The following MYOF variants were observed in gnomAD, a reference collection of about 807,000 sequenced individuals.
The protein encoded by MYOF is fer-1-like 3, myoferlin.
MYOF carries 244 observed loss-of-function variants against 284.2 expected under a neutral mutation model. The ratio of observed to expected loss-of-function variants is 0.86; its 90% confidence interval spans 0.77 to 0.95. MYOF has a LOEUF of 0.95. MYOF is among the 40% of genes least tolerant of loss of function. The pLI is 0.00. For missense variants in MYOF, 2,496 were observed against 2,560.6 expected (o/e 0.97, Z 0.54); for synonymous variants, 904 against 919.7 (o/e 0.98, Z 0.31).
intron 5 of MYOF, among the ~76,000 whole-genome samples, chr10:93,425,297 T>C (rs1848534544): frequency 6.6e-6 from 1 of 152,010 alleles, no homozygotes; most frequent in African/African-American, 2.4e-5. Flanking sequence ...GCCCCTCCCT[T>C]CCTGGGACAC....
At chr10:93,335,450 A>C (rs1370788255) in intron 41 of MYOF, among the ~76,000 whole-genome samples, 1 of 152,156 alleles carries the variant, frequency 6.6e-6, no homozygotes, top group Admixed American at 6.5e-5. Context: ...GCTGGAGAGG[A>C]GTGTGACGAG....
At chr10:93,460,580 A>G (rs2056849034) in intron 1 of MYOF, among the ~76,000 whole-genome samples, 1 of 13,294 alleles carries the variant, frequency 7.5e-5, no homozygotes, top group Non-Finnish European at 2.2e-3. Flanking sequence ...CCTGGACAAC[A>G]TGGGTGAAAC....
intron 37 of MYOF, among the ~76,000 whole-genome samples, chr10:93,347,225 G>A (rs556303422): frequency 1.3e-5 from 2 of 152,308 alleles, no homozygotes. Flanking sequence ...ACCTTGAGTA[G>A]GTTTGTAAAG....
intron 45 of MYOF, among the ~76,000 whole-genome samples, chr10:93,328,407 A>G (rs1293656084): frequency 1.3e-5 from 2 of 152,218 alleles, no homozygotes; most frequent in Non-Finnish European, 2.9e-5. Context: ...AGCTTCTGGG[A>G]GAAGGGACAG....
intron 46 of MYOF, among the ~76,000 whole-genome samples, 153 bp downstream of exon 46, chr10:93,325,668 CAAAAA>C (rs1283179905): frequency 2.6e-5 from 4 of 152,024 alleles, no homozygotes; most frequent in Non-Finnish European, 5.9e-5. Flanking sequence ...AAAATTCTTA[CAAAAA>C]AATTCCCTTT....
intron 53 of MYOF, among the ~76,000 whole-genome samples, chr10:93,308,600 A>G (rs989915527): frequency 1.3e-5 from 2 of 151,650 alleles, no homozygotes; most frequent in African/African-American, 4.8e-5. Context: ...AAAAAAAAAA[A>G]GCAGTTTGAC....
chr10:93,473,304 C>T (rs1486724742), intron 1 of MYOF, among the ~76,000 whole-genome samples: 1 of 152,254 alleles, frequency 6.6e-6, no homozygotes, highest in African/African-American at 2.4e-5. Context: ...GGTCTACCCA[C>T]TTTGTCTTGG....
intron 1 of MYOF, among the ~76,000 whole-genome samples, chr10:93,465,360 T>C (rs2056978134): frequency 6.6e-6 from 1 of 152,054 alleles, no homozygotes; most frequent in African/African-American, 2.4e-5. Context: ...CATGACGGAG[T>C]AAATTGGACT....
intron 36 of MYOF, among the ~76,000 whole-genome samples, chr10:93,348,831 C>T (rs550479220): frequency 3.3e-5 from 5 of 152,114 alleles, no homozygotes; most frequent in Admixed American, 6.5e-5. Flanking sequence ...GGATTAAAGA[C>T]GAGGTGTACC....
chr10:93,351,906 A>G, intron 32 of MYOF, 60 bp from the exon 33 acceptor site: 1 of 1,404,896 alleles, frequency 7.1e-7, no homozygotes, highest in East Asian at 2.3e-5. Flanking sequence ...CCCCAGAACC[A>G]CTCAGTGCAA....
At chr10:93,371,546 T>C (rs1282709277) in intron 24 of MYOF, among the ~76,000 whole-genome samples, 2 of 152,248 alleles carry the variant, frequency 1.3e-5, no homozygotes, top group Non-Finnish European at 2.9e-5. Flanking sequence ...CAAAATGTAT[T>C]TTGTAAAAAT....
At chr10:93,323,650 CACTA>C in intron 46 of MYOF, 1 of 392,474 alleles carries the variant, frequency 2.5e-6, no homozygotes, top group Non-Finnish European at 4.6e-6. Flanking sequence ...GACTTCCCAT[CACTA>C]ACCCAACCCC....
chr10:93,470,162 GAGGTTGC>G (rs544943847), intron 1 of MYOF, among the ~76,000 whole-genome samples: 6 of 150,520 alleles, frequency 4.0e-5, no homozygotes, highest in Admixed American at 2.7e-4. Flanking sequence ...CCAGGAGGTG[GAGGTTGC>G]AGTGAGCTGA....
At chr10:93,323,573 G>T (rs909971489) in intron 46 of MYOF, 53 of 558,526 alleles carry the variant, frequency 9.5e-5, no homozygotes, top group African/African-American at 8.8e-4. Context: ...CTCACTCAGG[G>T]GTCTCTGACG....
intron 3 of MYOF, among the ~76,000 whole-genome samples, chr10:93,436,696 C>T (rs1159121023): frequency 1.3e-5 from 2 of 152,120 alleles, no homozygotes; most frequent in East Asian, 1.9e-4. Context: ...TTTTCTGTGA[C>T]GTTGCCTGGA....
Position 93,337,837 on chromosome 10 carries a change from T to C in MYOF, c.4415A>G (p.Gln1472Arg). ...GEHEKCGQYI[Q>R]KGYSKLKIYN... ...TACCTTGAGCTTGGAATAGCCTTTC[T>C]GAATATACTGTCCGCATTTTTCATG... Residue 1472 changes from glutamine (Q) to arginine (R), a missense_variant, in exon 40 of 54, where the codon CAG becomes CGG. Physicochemically the swap from Gln to Arg is conservative, Grantham distance 43. Transcript: ENST00000359263. 1 of 1,614,040 alleles carries C rather than the reference T, an allele frequency of 6.2e-7. No individual in the cohort carries two copies. Among genetic ancestry groups the C allele is most frequent in the Non-Finnish European group, 8.5e-7 (1 of 1,179,944 alleles).
intron 45 of MYOF, 70 bp from the exon 46 acceptor site, chr10:93,326,035 G>A (rs1843031599): frequency 2.5e-6 from 4 of 1,590,856 alleles, no homozygotes; most frequent in Non-Finnish European, 3.4e-6. Context: ...GCCTAGAGCT[G>A]CTTCCAGCAC....
chr10:93,409,866 G>C, intron 5 of MYOF, 127 bp from the exon 6 acceptor site: 1 of 1,168,480 alleles, frequency 8.6e-7, no homozygotes, highest in Non-Finnish European at 1.2e-6. Flanking sequence ...GCAGGTGAAG[G>C]AGATCCTCTT....
chr10:93,421,036 G>A (rs573396052), intron 5 of MYOF, among the ~76,000 whole-genome samples: 40 of 152,146 alleles, frequency 2.6e-4, no homozygotes, highest in Non-Finnish European at 4.4e-4. Context: ...TGGGCAACAT[G>A]GCAAAACCCT....
Sources: allele counts gnomAD v4.1 joint callset (sites outside exome capture counted in the v4.1 genomes callset), GRCh38; gene constraint gnomAD v4.1.1; transcripts MANE v1.5; gene names NCBI Gene and HGNC (gene_info 2026-07-23, HGNC 2026-07-21).